RAD51B: variants seen among roughly 807,000 people sequenced by gnomAD.
RAD51B encodes the protein DNA repair protein RAD51 homolog 2.
RAD51B carries 38 observed loss-of-function variants against 42.2 expected under a neutral mutation model. The ratio of observed to expected loss-of-function variants is 0.90; its 90% CI spans 0.70 to 1.18. The LOEUF (loss-of-function observed/expected upper bound fraction) is 1.18. Among genes scored for constraint, RAD51B ranks in the 50% most tolerant of loss-of-function variants. The pLI, the probability that RAD51B is intolerant of heterozygous loss-of-function variation, is 0.00. For missense variants in RAD51B, 373 were observed against 400.7 expected (o/e 0.93, Z 0.59); for synonymous variants, 154 against 145.2 (o/e 1.06, Z -0.43).
intron 7 of RAD51B, among the ~76,000 whole-genome samples, chr14:68,097,789 A>T (rs951353000): frequency 3.9e-5 from 6 of 152,208 alleles, no homozygotes; most frequent in African/African-American, 1.4e-4. Flanking sequence ...TTAAAATGCA[A>T]ATCATTCTTA....
intron 8 of RAD51B, among the ~76,000 whole-genome samples, chr14:68,317,716 AAGAG>A (rs1245798196): frequency 6.6e-6 from 1 of 152,300 alleles, no homozygotes; most frequent in African/African-American, 2.4e-5. Context: ...TTGGGAGAGA[AAGAG>A]AGACCATTTA....
intron 8 of RAD51B, among the ~76,000 whole-genome samples, chr14:68,364,716 G>T (rs1045101759): frequency 6.6e-6 from 1 of 152,190 alleles, no homozygotes; most frequent in African/African-American, 2.4e-5. Context: ...AAGGTCTGTT[G>T]TGTGTGTGGT....
intron 7 of RAD51B, among the ~76,000 whole-genome samples, chr14:68,267,603 A>T (rs1011793842): frequency 6.6e-6 from 1 of 152,066 alleles, no homozygotes; most frequent in Non-Finnish European, 1.5e-5. Flanking sequence ...TTATGCCAGA[A>T]CTCCCATAGT....
chr14:67,835,351 G>C (rs983655603), intron 4 of RAD51B, among the ~76,000 whole-genome samples, 155 bp downstream of exon 4: 1 of 152,182 alleles, frequency 6.6e-6, no homozygotes, highest in Admixed American at 6.5e-5. Context: ...AGTACTTAGT[G>C]TGGTTGTTCT....
At chr14:67,866,707 C>G (rs1376796473) in intron 5 of RAD51B, among the ~76,000 whole-genome samples, 3 of 152,204 alleles carry the variant, frequency 2.0e-5, no homozygotes, top group African/African-American at 7.2e-5. Flanking sequence ...AGAAGACTAG[C>G]AGGTGACTTG....
intron 7 of RAD51B, among the ~76,000 whole-genome samples, chr14:67,957,954 T>G (rs1226091831): frequency 1.3e-5 from 2 of 152,184 alleles, no homozygotes; most frequent in Non-Finnish European, 2.9e-5. Flanking sequence ...AACAAAAGAA[T>G]TGTACGTTCA....
intron 8 of RAD51B, among the ~76,000 whole-genome samples, chr14:68,335,385 A>C (rs1017580690): frequency 6.6e-6 from 1 of 152,074 alleles, no homozygotes; most frequent in Non-Finnish European, 1.5e-5. Context: ...TTTTCTCAAA[A>C]TTAAAAAAGC....
At chr14:68,194,319 T>C (rs1031087769) in intron 7 of RAD51B, among the ~76,000 whole-genome samples, 6 of 152,206 alleles carry the variant, frequency 3.9e-5, no homozygotes, top group African/African-American at 1.4e-4. Context: ...ATTTTACTGC[T>C]ATTCCAGGCA....
At position 68,632,857 on chromosome 14, in the gene RAD51B, C is replaced by G. The variant is rs189172564; in HGVS notation, c.1037-17924C>G. 2.7e-4 allele frequency among the ~76,000 whole-genome samples: 41 copies of G among 152,032 alleles called. No homozygotes were observed. In the East Asian group the frequency reaches 5.0e-3, roughly 19 times the overall value. On this transcript the variant is annotated intron_variant, in intron 10 of 11. Coordinates refer to the RAD51B transcript ENST00000488612. ...GTGGTACGATCACAGCTCACTGCAG[C>G]CTTGACCACCCAGGCTCAAGTGATC...
At chr14:68,250,073 G>T (rs1372731759) in intron 7 of RAD51B, among the ~76,000 whole-genome samples, 1 of 152,190 alleles carries the variant, frequency 6.6e-6, no homozygotes. Flanking sequence ...GCGCTTTAGT[G>T]AATAAATGTG....
intron 5 of RAD51B, among the ~76,000 whole-genome samples, chr14:67,878,389 G>GAT (rs1315806569): frequency 6.6e-6 from 1 of 151,666 alleles, no homozygotes; most frequent in African/African-American, 2.4e-5. Context: ...TTTTCTTATT[G>GAT]ATATATATAA....
At chr14:68,140,566 T>G (rs2078107270) in intron 7 of RAD51B, among the ~76,000 whole-genome samples, 1 of 152,212 alleles carries the variant, frequency 6.6e-6, no homozygotes, top group Non-Finnish European at 1.5e-5. Context: ...GTTCTTATAA[T>G]TTTACCCTAC....
At chr14:68,560,534 G>A (rs996829663) in intron 10 of RAD51B, among the ~76,000 whole-genome samples, 3 of 152,088 alleles carry the variant, frequency 2.0e-5, no homozygotes, top group South Asian at 4.2e-4. Flanking sequence ...TCAGGAGTTC[G>A]AGACTAGCCT....
chr14:68,249,806 G>A (rs1459205615), intron 7 of RAD51B, among the ~76,000 whole-genome samples: 1 of 152,174 alleles, frequency 6.6e-6, no homozygotes, highest in Admixed American at 6.5e-5. Context: ...AGATATGGGG[G>A]TCTTGTTTAT....
At chr14:68,456,586 C>G (rs2085691978) in intron 9 of RAD51B, among the ~76,000 whole-genome samples, 1 of 152,064 alleles carries the variant, frequency 6.6e-6, no homozygotes, top group Non-Finnish European at 1.5e-5. Flanking sequence ...ATACATGAAG[C>G]AAAAACTAAT....
chr14:68,523,772 A>T (rs1242356989), intron 10 of RAD51B, among the ~76,000 whole-genome samples: 4 of 152,222 alleles, frequency 2.6e-5, no homozygotes, highest in Non-Finnish European at 4.4e-5. Flanking sequence ...GTATCCTGCA[A>T]GTGCTGTATT....
intron 7 of RAD51B, among the ~76,000 whole-genome samples, chr14:68,143,317 C>G (rs1489650901): frequency 6.6e-6 from 1 of 152,136 alleles, no homozygotes; most frequent in Non-Finnish European, 1.5e-5. Context: ...CTTGAAGTCC[C>G]TAGTTGACAG....
chr14:68,299,750 G>A (rs2081686905), intron 8 of RAD51B, among the ~76,000 whole-genome samples: 1 of 152,170 alleles, frequency 6.6e-6, no homozygotes, highest in Non-Finnish European at 1.5e-5. Flanking sequence ...TATCCACTAA[G>A]CTCTTTTGTA....
At chr14:68,239,026 C>A (rs1195705178) in intron 7 of RAD51B, among the ~76,000 whole-genome samples, 1 of 152,196 alleles carries the variant, frequency 6.6e-6, no homozygotes, top group Non-Finnish European at 1.5e-5. Flanking sequence ...AACAAAATGA[C>A]AAATATTTAT....
Sources: allele counts gnomAD v4.1 joint callset (sites outside exome capture counted in the v4.1 genomes callset), GRCh38; gene constraint gnomAD v4.1.1; transcripts MANE v1.5; gene names NCBI Gene and HGNC (gene_info 2026-07-23, HGNC 2026-07-21).